Variants in PATZ1 observed in about 807,000 individuals in gnomAD.
The protein encoded by PATZ1 is POZ-, AT hook-, and zinc finger-containing protein 1.
PATZ1 carries 9 observed loss-of-function variants against 46.2 expected under a neutral mutation model. That is an observed-to-expected ratio of 0.19 (90% CI 0.12 to 0.34). PATZ1 has a LOEUF of 0.34. PATZ1 is among the 10% of genes least tolerant of loss of function. The pLI, the probability that PATZ1 is intolerant of heterozygous loss-of-function variation, is 1.00. For synonymous variants in PATZ1, 426 were observed against 378.6 expected, an observed-to-expected ratio of 1.13 and a Z score of -1.45; for missense variants, 632 against 923.0, an observed-to-expected ratio of 0.68 and a Z score of 4.08.
intron 2 of PATZ1, among the ~76,000 whole-genome samples, chr22:31,338,496 G>A (rs146251918): frequency 1.3e-5 from 2 of 152,306 alleles, no homozygotes; most frequent in Admixed American, 6.5e-5. Flanking sequence ...TGGGCCCCAC[G>A]TCAGCCAGGG....
chr22:31,344,923 G>C lies in PATZ1; in HGVS notation c.680C>G (p.Pro227Arg). 1 of 1,613,628 alleles carries C rather than the reference G, an allele frequency of 6.2e-7. No homozygotes were observed. Residue 227 changes from proline to arginine, a missense_variant, in exon 1 of 5, where the codon CCT (proline) becomes CGT (arginine). By Grantham distance (103) the Pro-to-Arg change is moderately radical (BLOSUM62 -2). Around this residue, in one of 7 missense-constraint regions of PATZ1, gnomAD observed 279 missense variants for 284.3 expected, o/e 0.98. Transcript: ENST00000266269. ...GAAIAGQASL[P>R]VLPGVDRLPM... ...CAAGCGGTCCACCCCAGGTAACACA[G>C]GCAAAGAGGCTTGGCCTGCAATGGC...
Position 31,345,392 on chromosome 22 carries a change from T to A in PATZ1, c.211A>T (p.Ser71Cys). Residue 71 changes from serine (S) to cysteine (C), a missense_variant, in exon 1 of 5, where the codon AGC becomes TGC. By Grantham distance (112) the Ser-to-Cys change is moderately radical (BLOSUM62 -1). This residue lies in a region of PATZ1 where 62 missense variants were observed against 67.9 expected (regional missense o/e 0.91). Coordinates refer to ENST00000266269, the MANE Select transcript of PATZ1 (RefSeq NM_014323.3). The surrounding 1 kb of genome is among the most constrained non-coding windows in gnomAD (Gnocchi z 7.4). The part of the protein sequence containing the change: ...ACSEYFESVF[S>C]AQLGDGGAAD... Reference sequence around the variant, plus strand: ...GCTCCGCCGTCGCCCAACTGGGCGCTGAACACCGACTCAAAGTACTCGCTG... The same window carrying A: ...GCTCCGCCGTCGCCCAACTGGGCGCAGAACACCGACTCAAAGTACTCGCTG... The A allele has an allele frequency of 6.2e-7, 1 of 1,610,228 alleles. No homozygotes were observed. Among genetic ancestry groups the A allele is most frequent in the African/African-American group, 1.3e-5 (1 of 74,972 alleles).
rs1178132267 is a variant in PATZ1, at chr22:31,345,333, C to T, written c.270G>A (p.Ala90=). ...CGGCCCCGCCGCCTGGTGCTGCCGT[C>T]GCGCCCCCTACATCAGCCGGACCCC... ...ADGGPADVGG[A]TAAPGGGAGG... is the part of the protein sequence containing the mutation. Residue 90 remains alanine (A), a synonymous_variant, in exon 1 of 5, where the codon GCG becomes GCA. Coordinates refer to ENST00000266269, the MANE Select transcript of PATZ1 (RefSeq NM_014323.3). The surrounding 1 kb of genome is among the most constrained non-coding windows in gnomAD (Gnocchi z 7.4). The T allele has an allele frequency of 6.2e-6, 10 of 1,609,420 alleles. No homozygotes were observed. Among genetic ancestry groups the T allele is most frequent in the East Asian group, 2.2e-5 (1 of 44,786 alleles).
rs1179252910 is a variant in PATZ1, at chr22:31,328,130, C to T, written c.1645+657G>A. Among the ~76,000 whole-genome samples, 5 of 152,180 alleles carry T rather than the reference C, an allele frequency of 3.3e-5. No homozygotes were observed. Among genetic ancestry groups the T allele is most frequent in the African/African-American group, 9.7e-5 (4 of 41,436 alleles). ...GAGCATGCCATCTCTGCTGTTTCTACCATCTGCCAAGCCCCTGGCCTCATC... is the reference window on the plus strand; with the variant it reads ...GAGCATGCCATCTCTGCTGTTTCTATCATCTGCCAAGCCCCTGGCCTCATC... On this transcript the variant is annotated intron_variant, in intron 4 of 4. Coordinates refer to ENST00000266269, the MANE Select transcript of PATZ1 (RefSeq NM_014323.3). The surrounding 1 kb of genome is among the most constrained non-coding windows in gnomAD (Gnocchi z 4.8).
intron 2 of PATZ1, chr22:31,341,364 C>G (rs2145826068): frequency 6.6e-7 from 1 of 1,517,178 alleles, no homozygotes; most frequent in Non-Finnish European, 8.8e-7. Flanking sequence ...AATGCCCCTC[C>G]TGTTCCCTTC....
intron 1 of PATZ1, chr22:31,343,556 T>C (rs766865514): frequency 2.4e-6 from 1 of 420,716 alleles, no homozygotes; most frequent in Non-Finnish European, 3.2e-6. Context: ...TCCATCCCTG[T>C]GTTCACACAC....
In PATZ1 at chr22:31,345,909, G is replaced by T. The variant is rs1251772555; in HGVS notation, c.-307C>A. On this transcript the variant is annotated 5_prime_UTR_variant, in exon 1 of 5. Coordinates refer to ENST00000266269, the MANE Select transcript of PATZ1 (RefSeq NM_014323.3). The surrounding 1 kb of genome is among the most constrained non-coding windows in gnomAD (Gnocchi z 7.4). ...TTCCGGGGGGGTGCGCGAGCGAAGA[G>T]GTGCGCCCCTCCTGCAAACGCGCCT... 6.0e-6 allele frequency: 2 copies of T among 334,146 alleles called. No homozygotes were observed. Among genetic ancestry groups the T allele is most frequent in the Non-Finnish European group, 1.1e-5 (2 of 184,476 alleles). 20.7% of individuals were successfully genotyped at this position (334,146 alleles called of 1,614,324 possible).
intron 1 of PATZ1, 149 bp from the exon 2 acceptor site, chr22:31,343,109 C>T (rs2049604108): frequency 7.0e-7 from 1 of 1,432,532 alleles, no homozygotes; most frequent in East Asian, 2.7e-5. Flanking sequence ...GACAAAGTCA[C>T]CACCCAGTTC....
At chr22:31,331,445 T>C (rs2049441347) in intron 3 of PATZ1, among the ~76,000 whole-genome samples, 1 of 151,622 alleles carries the variant, frequency 6.6e-6, no homozygotes, top group African/African-American at 2.4e-5. Flanking sequence ...GTTCATGCCA[T>C]TCTCCTGCCT....
chr22:31,342,808 C>T (rs1601497087), intron 2 of PATZ1, 89 bp downstream of exon 2: 4 of 1,459,540 alleles, frequency 2.7e-6, no homozygotes, highest in East Asian at 2.3e-5. Flanking sequence ...CAGCCGGGCC[C>T]CCGGCACACG....
At position 31,328,805 on chromosome 22, in the gene PATZ1, T is replaced by G; in HGVS notation, c.1627A>C (p.Arg543=). ...CGCTTGCCTTTGTTGCCATAGGTCC[T>G]GGCGCAGTGGAACGCTGCTCCCCCA... ...LNGGAAFHCA[R]TYGNKEGQKC... The change falls in exon 4 of 5, where the codon AGG becomes CGG. Residue 543 remains arginine, a synonymous_variant. Transcript: ENST00000266269. The surrounding 1 kb of genome is among the most constrained non-coding windows in gnomAD (Gnocchi z 4.8). 6.2e-6 allele frequency: 10 copies of G among 1,613,392 alleles called. No homozygotes were observed. Among genetic ancestry groups the G allele is most frequent in the Non-Finnish European group, 8.5e-6 (10 of 1,179,834 alleles).
chr22:31,329,349 G>A (rs1435683132), intron 3 of PATZ1, among the ~76,000 whole-genome samples: 1 of 152,228 alleles, frequency 6.6e-6, no homozygotes, highest in African/African-American at 2.4e-5. Context: ...CAGGATTCTA[G>A]CCAGCAGGAT....
rs867427847 is a variant in PATZ1, at chr22:31,345,307, C to T, written c.296G>A (p.Gly99Glu). 8.1e-6 allele frequency: 13 copies of T among 1,610,960 alleles called. No homozygotes were observed. The African/African-American group carries it at 1.6e-4, about 20-fold the overall frequency. ...GTGCATCTCCAGCTCCCGGCTGCCC[C>T]CGGCCCCGCCGCCTGGTGCTGCCGT... ...GATAAPGGGA[G>E]GSRELEMHTI... Residue 99 changes from glycine (G) to glutamate (E), a missense_variant, in exon 1 of 5, where the codon GGG (glycine) becomes GAG (glutamate). Physicochemically the swap from Gly to Glu is moderately conservative, Grantham distance 98 (BLOSUM62 -2). Around this residue, in one of 7 missense-constraint regions of PATZ1, gnomAD observed 62 missense variants for 67.9 expected, o/e 0.91. Transcript: ENST00000266269. This position sits in a 1 kb window ranked among gnomAD's most constrained non-coding sequence, Gnocchi z 7.4.
intron 3 of PATZ1, among the ~76,000 whole-genome samples, chr22:31,331,426 G>A (rs951215874): frequency 1.3e-5 from 2 of 148,436 alleles, no homozygotes; most frequent in Non-Finnish European, 1.5e-5. Context: ...TGCAAGCTCC[G>A]CCTCCAGGGT....
intron 2 of PATZ1, 58 bp from the exon 3 acceptor site, chr22:31,335,921 C>T: frequency 1.3e-6 from 2 of 1,507,558 alleles, no homozygotes; most frequent in Non-Finnish European, 1.8e-6. Context: ...ACCTGACTCC[C>T]CACCAAGTGC....
Position 31,328,694 on chromosome 22 carries a change from G to A in PATZ1, c.1645+93C>T, listed in dbSNP as rs2049398167. Reference sequence around the variant, plus strand: ...TGAGTCTCCTCAAGGCAGCCAGAAAGCCGGCAGCCTTCCCGCCTCCCCACG... The same window carrying A: ...TGAGTCTCCTCAAGGCAGCCAGAAAACCGGCAGCCTTCCCGCCTCCCCACG... On this transcript the variant is annotated intron_variant, in intron 4 of 4. Coordinates refer to ENST00000266269, the MANE Select transcript of PATZ1 (RefSeq NM_014323.3). The surrounding 1 kb of genome is among the most constrained non-coding windows in gnomAD (Gnocchi z 4.8). The A allele has an allele frequency of 2.6e-6, 3 of 1,175,684 alleles. No homozygotes were observed. Among genetic ancestry groups the A allele is most frequent in the Non-Finnish European group, 3.8e-6 (3 of 792,228 alleles). The allele number at this position is 1,175,684 out of a possible 1,614,324, so 72.8% of individuals were successfully genotyped here. A position where few individuals can be genotyped will look rare whatever the true frequency, so the allele number is the denominator to read the frequency against.
rs540505686 is a variant in PATZ1, at chr22:31,343,516, G to C, written c.1272-556C>G. ...AGGGGCTGCCTGACCGGTAAGACTG[G>C]TTCCTGGTCGGGGCCCTCTGAGGGA... On this transcript the variant is annotated intron_variant, in intron 1 of 4. Transcript: ENST00000266269. The C allele has an allele frequency of 3.7e-5, 31 of 839,784 alleles. No homozygotes were observed. The African/African-American group carries it at 5.5e-4, about 15-fold the overall frequency. The allele number at this position is 839,784 out of a possible 1,614,324, so 52.0% of individuals were successfully genotyped here.
intron 2 of PATZ1, 136 bp downstream of exon 2, chr22:31,342,761 G>C: frequency 1.2e-6 from 1 of 818,022 alleles, no homozygotes; most frequent in Admixed American, 2.2e-5. Context: ...AGGGAGGGTG[G>C]AGGAACAGAG....
rs1255778395 is a variant in PATZ1 at position 31,345,758 on chromosome 22, C to T, written c.-156G>A. ...TCGCAGGTGCGCCGAGTGTACACGC[C>T]CCCAGCCCGGATCAGACTGTCTAGA... is the stretch of plus-strand genomic sequence containing the variant. On this transcript the variant is annotated 5_prime_UTR_variant, in exon 1 of 5. Coordinates refer to ENST00000266269, the MANE Select transcript of PATZ1 (RefSeq NM_014323.3). This position sits in a 1 kb window ranked among gnomAD's most constrained non-coding sequence, Gnocchi z 7.4. 1.4e-6 allele frequency: 1 copy of T among 727,736 alleles called. No individual in the cohort carries two copies. Among genetic ancestry groups the T allele is most frequent in the East Asian group, 2.8e-5 (1 of 35,482 alleles). 45.1% of individuals were successfully genotyped at this position (727,736 alleles called of 1,614,324 possible).
Sources: gnomAD v4.1 joint callset for allele counts (sites outside exome capture counted in the v4.1 genomes callset) on GRCh38, gnomAD v4.1.1 for gene constraint, gnomAD v4.1.1 regional missense constraint, Gnocchi (gnomAD v3.1) non-coding constraint, MANE v1.5 for transcripts, NCBI Gene and HGNC (gene_info 2026-07-23, HGNC 2026-07-21) for gene names.